The following METTL25B variants were observed in gnomAD, a reference collection of about 807,000 sequenced individuals.
METTL25B encodes methyltransferase-like protein 25B.
In METTL25B, 38 loss-of-function variants were observed where a neutral mutation model predicts 48.4. The observed-to-expected ratio is 0.78, with a 90% confidence interval of 0.61 to 1.03. The LOEUF (loss-of-function observed/expected upper bound fraction) is 1.03, where lower values mean the gene tolerates loss of function less well. Ranked by LOEUF, METTL25B falls within the 50% of genes least tolerant of loss-of-function variation. The pLI is 0.00. For missense variants in METTL25B, 537 were observed against 603.7 expected (o/e 0.89, Z 1.16); for synonymous variants, 230 against 254.5 (o/e 0.90, Z 0.92).
At chr1:156,731,403 C>T (rs565514834) in intron 1 of METTL25B, among the ~76,000 whole-genome samples, 22 of 152,286 alleles carry the variant, frequency 1.4e-4, no homozygotes, top group African/African-American at 3.6e-4. Flanking sequence ...GGATTACAGG[C>T]GTGAGCCACC....
At position 156,728,505 on chromosome 1, in the gene METTL25B, G is replaced by A. The variant is rs1445657391; in HGVS notation, c.-600G>A. 1.9e-5 allele frequency: 19 copies of A among 985,426 alleles called. No individual in the cohort carries two copies. The highest frequency in any genetic ancestry group is 2.2e-5 in the Non-Finnish European group (18 of 829,898). 61.0% of individuals were successfully genotyped at this position (985,426 alleles called of 1,614,324 possible). Reference sequence around the variant, plus strand: ...ACGAAGCCCGGGAAGGCAGGCGCGCGGGTTAGAACGCGCCAGAGGTCGGCG... The same window carrying A: ...ACGAAGCCCGGGAAGGCAGGCGCGCAGGTTAGAACGCGCCAGAGGTCGGCG... On this transcript the variant is annotated 5_prime_UTR_variant, in exon 1 of 8. Transcript: ENST00000368216.
At position 156,729,177 on chromosome 1, in the gene METTL25B, C is replaced by G. The variant is rs761044351; in HGVS notation, c.73C>G (p.Leu25Val). 1 of 1,612,108 alleles carries G rather than the reference C, an allele frequency of 6.2e-7. No individual in the cohort carries two copies. Among genetic ancestry groups the G allele is most frequent in the Non-Finnish European group, 8.5e-7 (1 of 1,179,230 alleles). Residue 25 changes from leucine to valine, a missense_variant, in exon 1 of 8, where the codon CTG becomes GTG. By Grantham distance (32) the Leu-to-Val change is conservative. Coordinates refer to ENST00000368216, the MANE Select transcript of METTL25B (RefSeq NM_015997.4). ...GCTAGCTGTTAACCTCACCCGTGTCCTGGCACTCTACCGTTCCATCTTGGA... is the reference window on the plus strand; with the variant it reads ...GCTAGCTGTTAACCTCACCCGTGTCGTGGCACTCTACCGTTCCATCTTGGA... The part of the protein sequence containing the change: ...KQLAVNLTRV[L>V]ALYRSILDAY...
intron 3 of METTL25B, 144 bp downstream of exon 3, chr1:156,732,617 AT>A (rs1471658630): frequency 3.9e-6 from 3 of 775,350 alleles, no homozygotes; most frequent in Admixed American, 2.9e-5. Context: ...AACTAATCAT[AT>A]TTTGATGCTG....
rs750252048 is a variant in METTL25B, at chr1:156,736,677, C to T, written c.1352C>T (p.Pro451Leu). The change falls in exon 8 of 8, where the codon CCC becomes CTC. Residue 451 changes from proline (P) to leucine (L), a missense_variant. Pro to Leu is a moderately conservative substitution (Grantham distance 98). Coordinates refer to ENST00000368216, the MANE Select transcript of METTL25B (RefSeq NM_015997.4). ...CCCATCTTCAGTCCTGAACTCTCTCCCAGAAACCTGGTTCTGGTGGCCACC... is the reference window on the plus strand; with the variant it reads ...CCCATCTTCAGTCCTGAACTCTCTCTCAGAAACCTGGTTCTGGTGGCCACC... ...LLPIFSPELS[P>L]RNLVLVATKM... The T allele has an allele frequency of 6.2e-7, 1 of 1,614,002 alleles. No individual in the cohort carries two copies. Among genetic ancestry groups the T allele is most frequent in the East Asian group, 2.2e-5 (1 of 44,884 alleles).
chr1:156,732,568 G>A, intron 3 of METTL25B, 95 bp downstream of exon 3: 1 of 1,148,796 alleles, frequency 8.7e-7, no homozygotes, highest in Non-Finnish European at 1.2e-6. Context: ...TCACATGCAA[G>A]GCCAGAGGCC....
Position 156,734,124 on chromosome 1 carries a change from G to A in METTL25B, c.752G>A (p.Arg251His), listed in dbSNP as rs141153654. ...GAGAACCCGTGTCAGGGCAGGGCCC[G>A]CTTGCTGCTCACAGGCCTCCACGCC... The part of the protein sequence containing the change: ...PLENPCQGRA[R>H]LLLTGLHACG... The change falls in exon 6 of 8, where the codon CGC (arginine) becomes CAC (histidine). Residue 251 changes from arginine to histidine, a missense_variant. Arg to His is a conservative substitution (Grantham distance 29). Transcript: ENST00000368216. 15 of 1,614,084 alleles carry A rather than the reference G, an allele frequency of 9.3e-6. No individual in the cohort carries two copies. In the African/African-American group the frequency reaches 9.3e-5, roughly 10 times the overall value.
chr1:156,730,771 C>G (rs767042239), intron 1 of METTL25B, among the ~76,000 whole-genome samples: 1 of 152,136 alleles, frequency 6.6e-6, no homozygotes, highest in Non-Finnish European at 1.5e-5. Context: ...TATTTGCTAG[C>G]TTTTGGACGT....
intron 1 of METTL25B, among the ~76,000 whole-genome samples, chr1:156,730,265 C>G (rs983065665): frequency 6.6e-6 from 1 of 152,190 alleles, no homozygotes; most frequent in Non-Finnish European, 1.5e-5. Context: ...GAACTCTATC[C>G]CATTTTATTC....
At chr1:156,735,623 A>T (rs1294059844) in intron 6 of METTL25B, 102 bp from the exon 7 acceptor site, 30 of 706,352 alleles carry the variant, frequency 4.2e-5, no homozygotes, top group Non-Finnish European at 5.1e-5. Context: ...TTGGGGTAGA[A>T]AATAAAGCAA....
Position 156,728,808 on chromosome 1 carries a change from G to A in METTL25B, c.-297G>A. 1 of 967,812 alleles carries A rather than the reference G, an allele frequency of 1.0e-6. No individual in the cohort carries two copies. The highest frequency in any genetic ancestry group is 1.3e-6 in the Non-Finnish European group (1 of 768,874). 60.0% of individuals were successfully genotyped at this position (967,812 alleles called of 1,614,324 possible). A position where few individuals can be genotyped will look rare whatever the true frequency, so the allele number is the denominator to read the frequency against. ...ACTGGAACTTGGCCCGCCTCGTTGT[G>A]AGCTGAGCTCAGCGGCACGCTTTTG... On this transcript the variant is annotated 5_prime_UTR_variant, in exon 1 of 8. Coordinates refer to ENST00000368216, the MANE Select transcript of METTL25B (RefSeq NM_015997.4).
Position 156,736,471 on chromosome 1 carries a change from T to A in METTL25B, c.1307-161T>A. 4.1e-6 allele frequency: 3 copies of A among 734,668 alleles called. No homozygotes were observed. The Admixed American group carries it at 7.4e-5, about 18-fold the overall frequency. 45.5% of individuals were successfully genotyped at this position (734,668 alleles called of 1,614,324 possible). A position where few individuals can be genotyped will look rare whatever the true frequency, so the allele number is the denominator to read the frequency against. On this transcript the variant is annotated intron_variant, in intron 7 of 7. Transcript: ENST00000368216. ...CAATGCAAGAGGACTGCCTCCCAAG[T>A]CAGTGCCTTGGGAACCCGTGTTCCT...
intron 7 of METTL25B, 53 bp downstream of exon 7, chr1:156,735,962 G>T: frequency 6.7e-7 from 1 of 1,492,050 alleles, no homozygotes; most frequent in Non-Finnish European, 9.1e-7. Flanking sequence ...GGGGTTCTGG[G>T]GCTCCTTCTC....
At chr1:156,730,504 G>A (rs1054400366) in intron 1 of METTL25B, among the ~76,000 whole-genome samples, 74 of 152,000 alleles carry the variant, frequency 4.9e-4, no homozygotes, top group African/African-American at 1.7e-3. Context: ...TGGGTGGATT[G>A]CCTGAGCTCA....
intron 3 of METTL25B, 55 bp downstream of exon 3, chr1:156,732,528 C>T (rs938511110): frequency 1.1e-4 from 172 of 1,562,210 alleles, no homozygotes; most frequent in Non-Finnish European, 1.5e-4. Context: ...ACTCCTTAAG[C>T]CTGGCTTACA....
intron 7 of METTL25B, chr1:156,736,249 A>C: frequency 4.0e-6 from 1 of 252,106 alleles, no homozygotes; most frequent in East Asian, 9.0e-5. Context: ...AGTCTCAGCT[A>C]TTTGGGTGGT....
intron 1 of METTL25B, 25 bp from the exon 2 acceptor site, chr1:156,731,966 G>C: frequency 6.2e-7 from 1 of 1,613,680 alleles, no homozygotes; most frequent in Admixed American, 1.7e-5. Context: ...GTAGCTTGCT[G>C]ATGGCTTCTC....
chr1:156,733,786 T>A, intron 5 of METTL25B: 1 of 671,802 alleles, frequency 1.5e-6, no homozygotes, highest in South Asian at 2.0e-5. Context: ...TTGTTACAAA[T>A]AAGAAAACTG....
intron 4 of METTL25B, 84 bp from the exon 5 acceptor site, chr1:156,733,293 C>G (rs549505158): frequency 2.1e-5 from 32 of 1,530,094 alleles, no homozygotes; most frequent in Non-Finnish European, 2.8e-5. Context: ...GGGCCTGGGA[C>G]CCAGGTGTCC....
In METTL25B at chr1:156,732,252, C is replaced by G. The variant is rs770086275; in HGVS notation, c.237-29C>G. On this transcript the variant is annotated intron_variant, in intron 2 of 7. Transcript: ENST00000368216. ...TGCACTCAGATGTGATGGGACTATT[C>G]ACTGGAGGCCTCGGCTGGACTATCT... 6 of 1,612,292 alleles carry G rather than the reference C, an allele frequency of 3.7e-6. No homozygotes were observed. The African/African-American group carries it at 8.0e-5, about 22-fold the overall frequency.
Sources: allele counts gnomAD v4.1 joint callset (sites outside exome capture counted in the v4.1 genomes callset), GRCh38; gene constraint gnomAD v4.1.1; transcripts MANE v1.5; gene names NCBI Gene and HGNC (gene_info 2026-07-23, HGNC 2026-07-21).